Variants in FNDC3B observed in about 807,000 individuals in gnomAD.
The protein encoded by FNDC3B is fibronectin type III domain-containing protein 3B.
A neutral mutation model predicts 151.5 loss-of-function variants in FNDC3B; 12 were observed. The ratio of observed to expected loss-of-function variants is 0.08; its 90% CI spans 0.05 to 0.13. The LOEUF is 0.13. FNDC3B is among the 10% of genes least tolerant of loss of function. The pLI is 1.00. For missense variants in FNDC3B, 1,214 were observed against 1,505.3 expected (o/e 0.81, Z 3.20); for synonymous variants, 528 against 549.0 (o/e 0.96, Z 0.54).
intron 3 of FNDC3B, among the ~76,000 whole-genome samples, chr3:172,187,924 A>G (rs773668968): frequency 9.2e-5 from 14 of 151,994 alleles, no homozygotes; most frequent in Admixed American, 1.3e-4. Context: ...AGCCTGTATT[A>G]TTATTAATTA....
intron 1 of FNDC3B, among the ~76,000 whole-genome samples, chr3:172,090,515 A>C (rs1371055693): frequency 1.3e-5 from 2 of 152,204 alleles, no homozygotes; most frequent in African/African-American, 4.8e-5. Flanking sequence ...AGAACAGAAT[A>C]ATCCAAGTTT....
At chr3:172,050,988 T>C (rs1420883508) in intron 1 of FNDC3B, among the ~76,000 whole-genome samples, 1 of 152,134 alleles carries the variant, frequency 6.6e-6, no homozygotes, top group Non-Finnish European at 1.5e-5. Flanking sequence ...TAAATGATTT[T>C]GGCCTATTCA....
At chr3:172,155,212 A>G (rs1722423609) in intron 3 of FNDC3B, among the ~76,000 whole-genome samples, 1 of 152,208 alleles carries the variant, frequency 6.6e-6, no homozygotes, top group African/African-American at 2.4e-5. Flanking sequence ...TAGATAGTGG[A>G]AAATCTTTCT....
At chr3:172,102,366 A>C (rs2108524870) in intron 1 of FNDC3B, among the ~76,000 whole-genome samples, 1 of 152,296 alleles carries the variant, frequency 6.6e-6, no homozygotes, top group East Asian at 1.9e-4. Flanking sequence ...TCTTTCCAGA[A>C]AGCAATCAGT....
At chr3:172,358,237 T>G (rs1393848997) in intron 22 of FNDC3B, among the ~76,000 whole-genome samples, 1 of 152,276 alleles carries the variant, frequency 6.6e-6, no homozygotes, top group African/African-American at 2.4e-5. Context: ...GATGATATTG[T>G]AGATGTCAAA....
At chr3:172,297,651 T>G (rs1341431708) in intron 8 of FNDC3B, among the ~76,000 whole-genome samples, 2 of 152,126 alleles carry the variant, frequency 1.3e-5, no homozygotes, top group East Asian at 3.9e-4. Flanking sequence ...ATTTTTTGTA[T>G]TTTTAGTAGA....
intron 3 of FNDC3B, among the ~76,000 whole-genome samples, chr3:172,183,844 A>G (rs1404103219): frequency 2.0e-5 from 3 of 152,178 alleles, no homozygotes; most frequent in Non-Finnish European, 2.9e-5. Flanking sequence ...CAGTATTTTA[A>G]GCAGTAATAT....
chr3:172,350,380 C>T (rs1733800916), intron 21 of FNDC3B, among the ~76,000 whole-genome samples: 4 of 152,142 alleles, frequency 2.6e-5, no homozygotes, highest in African/African-American at 9.7e-5. Flanking sequence ...ATGTTCTTGT[C>T]CTTCTGTGAT....
intron 2 of FNDC3B, among the ~76,000 whole-genome samples, chr3:172,126,741 A>C (rs1462533727): frequency 6.6e-6 from 1 of 152,216 alleles, no homozygotes; most frequent in East Asian, 1.9e-4. Flanking sequence ...TGGGTCAGAA[A>C]ACTGAGCCGG....
chr3:172,353,143 C>G (rs1733939172), intron 22 of FNDC3B, 60 bp downstream of exon 22: 1 of 1,510,066 alleles, frequency 6.6e-7, no homozygotes, highest in African/African-American at 1.4e-5. Context: ...TCTAAGTAAA[C>G]CTCTCGGGGA....
chr3:172,335,551 A>T (rs1315954296), intron 15 of FNDC3B: 1 of 152,332 alleles, frequency 6.6e-6, no homozygotes, highest in Admixed American at 6.5e-5. Flanking sequence ...TAGCATACAG[A>T]ACATTTAAGT....
At chr3:172,303,331 C>G (rs1051623229) in intron 9 of FNDC3B, among the ~76,000 whole-genome samples, 1 of 152,042 alleles carries the variant, frequency 6.6e-6, no homozygotes, top group African/African-American at 2.4e-5. Context: ...AAACAAGTTG[C>G]CCAGAGATGA....
At chr3:172,051,616 G>C (rs1716658679) in intron 1 of FNDC3B, among the ~76,000 whole-genome samples, 1 of 152,162 alleles carries the variant, frequency 6.6e-6, no homozygotes, top group African/African-American at 2.4e-5. Flanking sequence ...GTACTGCCCA[G>C]GTGATGGGTG....
chr3:172,380,803 G>C (rs571167969), intron 24 of FNDC3B, among the ~76,000 whole-genome samples, 163 bp from the exon 25 acceptor site: 30 of 152,306 alleles, frequency 2.0e-4, no homozygotes, highest in Non-Finnish European at 3.4e-4. Context: ...TGCCTAAAGG[G>C]CACCCTGCTG....
At chr3:172,146,067 C>T (rs1721894998) in intron 3 of FNDC3B, among the ~76,000 whole-genome samples, 1 of 152,078 alleles carries the variant, frequency 6.6e-6, no homozygotes, top group Admixed American at 6.5e-5. Context: ...CCCGCCTCGG[C>T]CTCCCAGAGT....
At chr3:172,157,384 C>T (rs1336108782) in intron 3 of FNDC3B, among the ~76,000 whole-genome samples, 1 of 151,806 alleles carries the variant, frequency 6.6e-6, no homozygotes, top group Admixed American at 6.6e-5. Flanking sequence ...CTTAGTTTTG[C>T]CTCATGGTAA....
At chr3:172,190,289 AT>A (rs2108669633) in intron 3 of FNDC3B, among the ~76,000 whole-genome samples, 1 of 152,354 alleles carries the variant, frequency 6.6e-6, no homozygotes, top group African/African-American at 2.4e-5. Context: ...TGGAATTCAG[AT>A]AGCAGCGTGT....
chr3:172,109,188 C>T lies in FNDC3B; in HGVS notation c.-28-3264C>T, dbSNP rs547979419. ...TCTTTTTTTTTTTTTTTTTTTGAGA[C>T]GGAGTCTTGCTCTGTCACCCAGGCT... is the stretch of plus-strand genomic sequence containing the variant. On this transcript the variant is annotated intron_variant, in intron 1 of 25. Coordinates refer to ENST00000415807, the MANE Select transcript of FNDC3B (RefSeq NM_022763.4). Among the ~76,000 whole-genome samples the T allele has an allele frequency of 8.6e-4, 98 of 113,484 alleles. 2 individuals are homozygous for T. The highest frequency in any genetic ancestry group is 3.7e-3 in the African/African-American group (91 of 24,458). The allele number at this position is 113,484 out of a possible 152,430, so 74.4% of individuals were successfully genotyped here. A position where few individuals can be genotyped will look rare whatever the true frequency, so the allele number is the denominator to read the frequency against.
intron 9 of FNDC3B, chr3:172,301,726 T>G (rs1730920179): frequency 6.6e-6 from 1 of 152,204 alleles, no homozygotes; most frequent in South Asian, 2.1e-4. Flanking sequence ...GGTATGGTGA[T>G]GTATGCCCGT....
Sources: gnomAD v4.1 joint callset for allele counts (sites outside exome capture counted in the v4.1 genomes callset) on GRCh38, gnomAD v4.1.1 for gene constraint, MANE v1.5 for transcripts, NCBI Gene and HGNC (gene_info 2026-07-23, HGNC 2026-07-21) for gene names.